CHCHD6: variants seen among roughly 807,000 people sequenced by gnomAD.
CHCHD6 encodes the protein coiled-coil-helix-coiled-coil-helix domain containing 6.
A neutral mutation model predicts 32.3 loss-of-function variants in CHCHD6; 28 were observed. The ratio of observed to expected loss-of-function variants is 0.87; its 90% CI spans 0.64 to 1.19. CHCHD6 has a LOEUF of 1.19. Ranked by LOEUF, CHCHD6 falls within the 50% of genes most tolerant of loss-of-function variation. The pLI, the probability that CHCHD6 is intolerant of heterozygous loss-of-function variation, is 0.00. For synonymous variants in CHCHD6, 122 were observed against 117.5 expected (o/e 1.04, Z -0.25); for missense variants, 333 against 307.0 (o/e 1.08, Z -0.63).
chr3:126,779,971 A>G (rs1179795219), intron 4 of CHCHD6, among the ~76,000 whole-genome samples: 1 of 152,206 alleles, frequency 6.6e-6, no homozygotes, highest in African/African-American at 2.4e-5. Flanking sequence ...TAGAGACTTA[A>G]TCAATGAAAA....
chr3:126,728,509 T>C (rs1030829324), intron 2 of CHCHD6, among the ~76,000 whole-genome samples: 1 of 152,170 alleles, frequency 6.6e-6, no homozygotes, highest in African/African-American at 2.4e-5. Flanking sequence ...TATCTACCAC[T>C]GTAGGGGATG....
intron 1 of CHCHD6, among the ~76,000 whole-genome samples, chr3:126,715,425 C>T (rs1934962769): frequency 6.6e-6 from 1 of 152,170 alleles, no homozygotes. Flanking sequence ...TAAATAGGCA[C>T]CCTTATCATC....
At chr3:126,755,438 A>C (rs1186539128) in intron 4 of CHCHD6, among the ~76,000 whole-genome samples, 2 of 152,192 alleles carry the variant, frequency 1.3e-5, no homozygotes, top group Non-Finnish European at 2.9e-5. Context: ...CTGGAGGGTC[A>C]TCTCTGAGGC....
intron 5 of CHCHD6, 80 bp downstream of exon 5, chr3:126,852,810 A>G (rs986303316): frequency 1.4e-5 from 14 of 973,306 alleles, no homozygotes; most frequent in Middle Eastern, 2.7e-4. Context: ...TCATGGGGGG[A>G]GAGAGGAGTC....
intron 4 of CHCHD6, among the ~76,000 whole-genome samples, chr3:126,846,449 A>G (rs1019787002): frequency 2.0e-5 from 3 of 152,260 alleles, no homozygotes; most frequent in Non-Finnish European, 2.9e-5. Context: ...TTAAAAGACC[A>G]AGACTATGTA....
rs149681343 is a variant in CHCHD6 at position 126,872,627 on chromosome 3, G to A, written c.495+19897G>A. 1.8e-3 allele frequency among the ~76,000 whole-genome samples: 267 copies of A among 152,250 alleles called. 1 individual carries two copies. Among genetic ancestry groups the A allele is most frequent in the African/African-American group, 6.1e-3 (255 of 41,530 alleles). ...TCTTCCTGGCATGAGGGATCCACAG[G>A]CTCCAGGCATAGAACCTTCCTTGCC... On this transcript the variant is annotated intron_variant, in intron 5 of 7. Coordinates refer to ENST00000290913, the MANE Select transcript of CHCHD6 (RefSeq NM_032343.3).
chr3:126,845,199 TG>T (rs1223703814), intron 4 of CHCHD6, among the ~76,000 whole-genome samples: 10 of 152,212 alleles, frequency 6.6e-5, no homozygotes, highest in Admixed American at 6.5e-4. Context: ...GCCATCTTGA[TG>T]TTTGATTTCT....
intron 4 of CHCHD6, among the ~76,000 whole-genome samples, chr3:126,811,903 T>C (rs1939670807): frequency 6.6e-6 from 1 of 152,226 alleles, no homozygotes; most frequent in South Asian, 2.1e-4. Flanking sequence ...GGAAGATTAA[T>C]CTGCCAAAAT....
At chr3:126,837,059 G>A (rs978501161) in intron 4 of CHCHD6, among the ~76,000 whole-genome samples, 6 of 152,114 alleles carry the variant, frequency 3.9e-5, no homozygotes, top group East Asian at 1.9e-4. Context: ...TTTCATTTCC[G>A]ACCTTATCAT....
chr3:126,862,687 C>CCCTCCTCCACCAACACCACCTCCT (rs1941979052), intron 5 of CHCHD6, among the ~76,000 whole-genome samples: 5 of 28,504 alleles, frequency 1.8e-4, no homozygotes, highest in Non-Finnish European at 2.8e-4. Flanking sequence ...CACCACCTCC[C>CCCTCCTCCACCAACACCACCTCCT]CCTCCTCCAC....
At chr3:126,815,444 CT>C (rs1939845121) in intron 4 of CHCHD6, among the ~76,000 whole-genome samples, 1 of 152,204 alleles carries the variant, frequency 6.6e-6, no homozygotes, top group African/African-American at 2.4e-5. Flanking sequence ...CTAGTGTGCC[CT>C]TGTGGATCCC....
chr3:126,957,134 G>A, intron 6 of CHCHD6: 2 of 501,788 alleles, frequency 4.0e-6, no homozygotes, highest in East Asian at 3.6e-5. Flanking sequence ...GTGTACACAG[G>A]CCCCAGTGAA....
intron 4 of CHCHD6, among the ~76,000 whole-genome samples, chr3:126,830,049 G>A (rs1157413486): frequency 6.6e-6 from 1 of 152,304 alleles, no homozygotes; most frequent in Non-Finnish European, 1.5e-5. Context: ...AGTGAGCCGA[G>A]ATCGCACCAC....
At chr3:126,738,625 G>T (rs1576357268) in intron 4 of CHCHD6, among the ~76,000 whole-genome samples, 1 of 152,132 alleles carries the variant, frequency 6.6e-6, no homozygotes, top group Admixed American at 6.5e-5. Flanking sequence ...TCTTGAGTGG[G>T]TGAGGGTTTG....
At chr3:126,926,675 G>A (rs538041421) in intron 6 of CHCHD6, among the ~76,000 whole-genome samples, 3 of 152,316 alleles carry the variant, frequency 2.0e-5, no homozygotes, top group Admixed American at 6.5e-5. Context: ...TGGTCCCAAT[G>A]TGAAGAGCCT....
At chr3:126,753,050 C>T (rs1447495268) in intron 4 of CHCHD6, among the ~76,000 whole-genome samples, 1 of 152,106 alleles carries the variant, frequency 6.6e-6, no homozygotes, top group Non-Finnish European at 1.5e-5. Flanking sequence ...TAGGAGGATT[C>T]CTTGCACTAG....
chr3:126,802,010 G>A (rs1483512439), intron 4 of CHCHD6, among the ~76,000 whole-genome samples: 5 of 152,324 alleles, frequency 3.3e-5, no homozygotes, highest in East Asian at 1.9e-4. Context: ...GGTCCTGTCC[G>A]TTAGAAGGAA....
In CHCHD6 at chr3:126,773,921, A is replaced by G. The variant is rs1166202769; in HGVS notation, c.411+40699A>G. Among the ~76,000 whole-genome samples, 4 of 151,754 alleles carry G rather than the reference A, an allele frequency of 2.6e-5. No homozygotes were observed. In the East Asian group the frequency reaches 5.8e-4, roughly 22 times the overall value. On this transcript the variant is annotated intron_variant, in intron 4 of 7. Transcript: ENST00000290913. ...GTGCCCAGCCTCTGCATATTTTTCT[A>G]TGTTTCTGTGGGAGGATGAGAGCTT...
chr3:126,748,108 C>T (rs964055760), intron 4 of CHCHD6, among the ~76,000 whole-genome samples: 1 of 152,116 alleles, frequency 6.6e-6, no homozygotes, highest in East Asian at 1.9e-4. Flanking sequence ...TCCTCCCCTC[C>T]TCTTAGAGCC....
Sources: allele counts gnomAD v4.1 joint callset (sites outside exome capture counted in the v4.1 genomes callset), GRCh38; gene constraint gnomAD v4.1.1; transcripts MANE v1.5; gene names NCBI Gene and HGNC (gene_info 2026-07-23, HGNC 2026-07-21).